Variants in PRICKLE2 observed in about 807,000 individuals in gnomAD.
PRICKLE2 encodes prickle planar cell polarity protein 2, also known as prickle-like protein 2.
A neutral mutation model predicts 81.4 loss-of-function variants in PRICKLE2; 21 were observed. The observed-to-expected ratio is 0.26, with a 90% confidence interval of 0.18 to 0.37. The LOEUF is 0.37. PRICKLE2 is among the 10% of genes least tolerant of loss of function. PRICKLE2 has a pLI of 1.00. For missense variants in PRICKLE2, 940 were observed against 1,109.0 expected (o/e 0.85, Z 2.16); for synonymous variants, 456 against 421.5 (o/e 1.08, Z -1.00).
intron 7 of PRICKLE2, among the ~76,000 whole-genome samples, chr3:64,143,548 G>A (rs1448278136): frequency 6.6e-6 from 1 of 152,102 alleles, no homozygotes; most frequent in East Asian, 1.9e-4. Flanking sequence ...TAGCCCTTCT[G>A]ATTTCCTCAT....
In PRICKLE2 at chr3:64,216,910, G is replaced by A. The variant is rs111475336; in HGVS notation, c.-41+8000C>T. On this transcript the variant is annotated intron_variant, in intron 1 of 7. Coordinates refer to ENST00000638394, the MANE Select transcript of PRICKLE2 (RefSeq NM_198859.4). The stretch of plus-strand genomic sequence containing the variant: ...GGGGGTGTCATCTTTCCAGTCCGTG[G>A]CAAGCTTCTAGTCTTGACAGGCTTT... Among the ~76,000 whole-genome samples the A allele has an allele frequency of 2.2e-3, 333 of 152,294 alleles. 1 individual carries two copies. Among genetic ancestry groups the A allele is most frequent in the Non-Finnish European group, 3.8e-3 (259 of 68,030 alleles).
intron 7 of PRICKLE2, chr3:64,146,595 T>A: frequency 6.1e-6 from 3 of 493,574 alleles, no homozygotes; most frequent in Non-Finnish European, 1.1e-5. Context: ...ACAAAAAAAT[T>A]AGCCAGGCAT....
intron 2 of PRICKLE2, among the ~76,000 whole-genome samples, chr3:64,234,301 AT>A (rs899531445): frequency 8.0e-5 from 4 of 49,906 alleles, no homozygotes; most frequent in African/African-American, 1.3e-4. Flanking sequence ...GAAGCTTCCC[AT>A]TTCTTCATCT....
Position 64,099,095 on chromosome 3 carries a change from G to A in PRICKLE2, c.2491C>T (p.His831Tyr). Reference sequence around the variant, plus strand: ...TTGCTCTTCTGTCTTTTCCTGCTGTGCAACTGTCCTCTGCCACCTAATGTG... The same window carrying A: ...TTGCTCTTCTGTCTTTTCCTGCTGTACAACTGTCCTCTGCCACCTAATGTG... ...SSTLGGRGQLHSRKRQKSKNC... is the reference protein window; with the variant it reads ...SSTLGGRGQLYSRKRQKSKNC... The change falls in exon 8 of 8, where the codon CAC becomes TAC. Residue 831 changes from histidine to tyrosine, a missense_variant. Physicochemically the swap from His to Tyr is moderately conservative, Grantham distance 83. Transcript: ENST00000638394. The surrounding 1 kb of genome is among the most constrained non-coding windows in gnomAD (Gnocchi z 4.3). 1.2e-6 allele frequency: 2 copies of A among 1,614,174 alleles called. No individual in the cohort carries two copies. The highest frequency in any genetic ancestry group is 8.5e-7 in the Non-Finnish European group (1 of 1,180,028).
At chr3:64,187,766 A>T (rs2078262165) in intron 2 of PRICKLE2, among the ~76,000 whole-genome samples, 2 of 152,174 alleles carry the variant, frequency 1.3e-5, no homozygotes. Context: ...CCCTCCTGGT[A>T]TAAATAGCTT....
Position 64,175,368 on chromosome 3 carries a change from T to C in PRICKLE2, c.145-12239A>G, listed in dbSNP as rs904806490. Among the ~76,000 whole-genome samples, 16 of 152,206 alleles carry C rather than the reference T, an allele frequency of 1.1e-4. 1 individual carries two copies. Among genetic ancestry groups the C allele is most frequent in the African/African-American group, 3.9e-4 (16 of 41,466 alleles). On this transcript the variant is annotated intron_variant, in intron 2 of 7. Coordinates refer to ENST00000638394, the MANE Select transcript of PRICKLE2 (RefSeq NM_198859.4). Reference sequence around the variant, plus strand: ...GTAAGGAGTCTTTAGTGGAAATATCTTGATGGCTAGCTAGTTAGTTTCTAC... The same window carrying C: ...GTAAGGAGTCTTTAGTGGAAATATCCTGATGGCTAGCTAGTTAGTTTCTAC...
At chr3:64,221,207 T>G (rs557269157) in intron 1 of PRICKLE2, among the ~76,000 whole-genome samples, 2 of 152,058 alleles carry the variant, frequency 1.3e-5, no homozygotes, top group Admixed American at 1.3e-4. Flanking sequence ...CTCTTAAAGC[T>G]CCATCCAAAC....
At chr3:64,114,492 G>A (rs541073642) in intron 7 of PRICKLE2, among the ~76,000 whole-genome samples, 2 of 152,168 alleles carry the variant, frequency 1.3e-5, no homozygotes, top group South Asian at 4.1e-4. Context: ...CAATGCAGGA[G>A]CTGACAGACA....
chr3:64,230,611 T>A (rs2079088962), intron 2 of PRICKLE2, among the ~76,000 whole-genome samples: 1 of 152,186 alleles, frequency 6.6e-6, no homozygotes, highest in South Asian at 2.1e-4. Flanking sequence ...ATACTGATAA[T>A]CTGCCTCCTG....
At position 64,099,643 on chromosome 3, in the gene PRICKLE2, C is replaced by A. The variant is rs894055397; in HGVS notation, c.1943G>T (p.Gly648Val). The part of the protein sequence containing the change: ...RMHQSFDFDG[G>V]MAGSKLPGQE... ...CCCTGGCAGCTTGCTGCCCGCCATC[C>A]CTCCATCAAAATCAAAGCTCTGATG... Residue 648 changes from glycine (G) to valine (V), a missense_variant, in exon 8 of 8, where the codon GGG becomes GTG. Physicochemically the swap from Gly to Val is moderately radical, Grantham distance 109 (BLOSUM62 -3). Transcript: ENST00000638394. This position sits in a 1 kb window ranked among gnomAD's most constrained non-coding sequence, Gnocchi z 4.3. 1 of 1,614,172 alleles carries A rather than the reference C, an allele frequency of 6.2e-7. No individual in the cohort carries two copies. Among genetic ancestry groups the A allele is most frequent in the Non-Finnish European group, 8.5e-7 (1 of 1,180,042 alleles).
rs1559506157 is a variant in PRICKLE2, at chr3:64,099,605, T to C, written c.1981A>G (p.Arg661Gly). The C allele has an allele frequency of 1.9e-6, 3 of 1,613,924 alleles. No homozygotes were observed. The African/African-American group carries it at 4.0e-5, about 22-fold the overall frequency. Reference sequence around the variant, plus strand: ...GTGCGTTCACTCATGGGCTGGATCCTCACGCCCTCCTGCCCTGGCAGCTTG... The same window carrying C: ...GTGCGTTCACTCATGGGCTGGATCCCCACGCCCTCCTGCCCTGGCAGCTTG... ...GSKLPGQEGV[R>G]IQPMSERTRR... Residue 661 changes from arginine to glycine, a missense_variant, in exon 8 of 8, where the codon AGG becomes GGG. This residue lies in a region of PRICKLE2 where 670 missense variants were observed against 717.2 expected (regional missense o/e 0.93). Transcript: ENST00000638394. This position sits in a 1 kb window ranked among gnomAD's most constrained non-coding sequence, Gnocchi z 4.3.
At chr3:64,257,428 A>G (rs1217282016) in intron 2 of PRICKLE2, among the ~76,000 whole-genome samples, 2 of 152,208 alleles carry the variant, frequency 1.3e-5, no homozygotes, top group African/African-American at 4.8e-5. Flanking sequence ...GATGGAGAAG[A>G]AAAGGCATAT....
chr3:64,229,105 G>T (rs939335253), upstream of PRICKLE2, among the ~76,000 whole-genome samples: 1 of 152,140 alleles, frequency 6.6e-6, no homozygotes, highest in East Asian at 1.9e-4. Flanking sequence ...TTCCAGGCAG[G>T]AATAAGAACA....
intron 7 of PRICKLE2, among the ~76,000 whole-genome samples, chr3:64,121,714 G>A (rs1031292638): frequency 1.3e-5 from 2 of 152,166 alleles, no homozygotes; most frequent in African/African-American, 2.4e-5. Flanking sequence ...GTTTCTTGCC[G>A]CCCCCTAGTC....
chr3:64,250,943 G>T (rs1426125810), intron 2 of PRICKLE2, among the ~76,000 whole-genome samples: 1 of 152,158 alleles, frequency 6.6e-6, no homozygotes, highest in Non-Finnish European at 1.5e-5. Context: ...TTTCTTTGCA[G>T]GAGCACCCTC....
chr3:64,243,184 G>C (rs1559600360), intron 2 of PRICKLE2, among the ~76,000 whole-genome samples: 1 of 152,286 alleles, frequency 6.6e-6, no homozygotes, highest in East Asian at 1.9e-4. Context: ...ATTGTCTGTG[G>C]ACAGTAGAAA....
chr3:64,130,629 CA>C (rs1175449665), intron 7 of PRICKLE2, among the ~76,000 whole-genome samples: 1 of 152,178 alleles, frequency 6.6e-6, no homozygotes, highest in African/African-American at 2.4e-5. Flanking sequence ...GCACTAGGAG[CA>C]GAACCACCCA....
intron 7 of PRICKLE2, among the ~76,000 whole-genome samples, chr3:64,130,831 A>G (rs2106985325): frequency 6.6e-6 from 1 of 152,266 alleles, no homozygotes; most frequent in Non-Finnish European, 1.5e-5. Flanking sequence ...GTATTTCTTT[A>G]AAGCTCCCCA....
Position 64,099,078 on chromosome 3 carries a change from C to T in PRICKLE2, c.2508G>A (p.Gln836=). ...AAGAAATGATACAGTTTTTGCTCTT[C>T]TGTCTTTTCCTGCTGTGCAACTGTC... The part of the protein sequence containing the change: ...GRGQLHSRKR[Q]KSKNCIIS Residue 836 remains glutamine, a synonymous_variant, in exon 8 of 8, where the codon CAG becomes CAA. Transcript: ENST00000638394. This position sits in a 1 kb window ranked among gnomAD's most constrained non-coding sequence, Gnocchi z 4.3. 6.2e-7 allele frequency: 1 copy of T among 1,614,228 alleles called. No individual in the cohort carries two copies. Among genetic ancestry groups the T allele is most frequent in the Non-Finnish European group, 8.5e-7 (1 of 1,180,044 alleles).
Sources: gnomAD v4.1 joint callset for allele counts (sites outside exome capture counted in the v4.1 genomes callset) on GRCh38, gnomAD v4.1.1 for gene constraint, gnomAD v4.1.1 regional missense constraint, Gnocchi (gnomAD v3.1) non-coding constraint, MANE v1.5 for transcripts, NCBI Gene and HGNC (gene_info 2026-07-23, HGNC 2026-07-21) for gene names.